Variants in USP48 observed in about 807,000 individuals in gnomAD.
USP48 encodes ubiquitin carboxyl-terminal hydrolase 48.
USP48 carries 43 observed loss-of-function variants against 150.7 expected under a neutral mutation model. That is an observed-to-expected ratio of 0.29 (90% confidence interval 0.22 to 0.37). USP48 has a LOEUF of 0.37. Ranked by LOEUF, USP48 falls within the 10% of genes least tolerant of loss-of-function variation. The probability of loss-of-function intolerance (pLI) is 1.00; values close to 1 mark genes in which losing one functional copy is unlikely to be tolerated. For missense variants in USP48, 813 were observed against 1,249.6 expected, an observed-to-expected ratio of 0.65 and a Z score of 5.27; for synonymous variants, 396 against 425.9, an observed-to-expected ratio of 0.93 and a Z score of 0.86.
At chr1:21,729,294 AAAAG>A (rs1407734747) in intron 10 of USP48, among the ~76,000 whole-genome samples, 1 of 151,924 alleles carries the variant, frequency 6.6e-6, no homozygotes, top group Non-Finnish European at 1.5e-5. Context: ...AAAAAAAAAA[AAAAG>A]AAAGAATAGA....
intron 2 of USP48, 51 bp downstream of exon 2, chr1:21,757,612 A>C: frequency 6.3e-7 from 1 of 1,580,316 alleles, no homozygotes; most frequent in Non-Finnish European, 8.6e-7. Context: ...CAAAAGCAAA[A>C]ACAAAAACAA....
chr1:21,728,726 A>G lies in USP48; in HGVS notation c.1301-7T>C, dbSNP rs2097746868. Reference sequence around the variant, plus strand: ...ACCAGCTCTTGAAGAAAGGCTATTCAAAACAGAAAGACAAAAAACAACTTT... The same window carrying G: ...ACCAGCTCTTGAAGAAAGGCTATTCGAAACAGAAAGACAAAAAACAACTTT... On this transcript the variant is annotated splice_polypyrimidine_tract_variant and splice_region_variant and intron_variant, in intron 10 of 26. Coordinates refer to ENST00000308271, the MANE Select transcript of USP48 (RefSeq NM_032236.8). 6.2e-7 allele frequency: 1 copy of G among 1,612,782 alleles called. No individual in the cohort carries two copies. The highest frequency in any genetic ancestry group is 1.1e-5 in the South Asian group (1 of 90,918).
chr1:21,729,696 T>A lies in USP48; in HGVS notation c.1300+8A>T. On this transcript the variant is annotated splice_region_variant and intron_variant, in intron 10 of 26. Transcript: ENST00000308271. ...TTTGCCTGCTATAATCCTGGAAAAC[T>A]GCTTTACCTGGAACTTGAACAGTAG... The A allele has an allele frequency of 6.2e-7, 1 of 1,612,708 alleles. No individual in the cohort carries two copies. Among genetic ancestry groups the A allele is most frequent in the Non-Finnish European group, 8.5e-7 (1 of 1,178,988 alleles).
intron 23 of USP48, among the ~76,000 whole-genome samples, 181 bp from the exon 24 acceptor site, chr1:21,690,280 C>T (rs895546987): frequency 6.6e-6 from 1 of 151,716 alleles, no homozygotes; most frequent in African/African-American, 2.4e-5. Flanking sequence ...CCTATATATC[C>T]GGGAACATCC....
At chr1:21,779,075 C>T (rs6664248) in intron 1 of USP48, among the ~76,000 whole-genome samples, 82,602 of 151,552 alleles carry the variant, frequency 0.55, 24,995 homozygotes, top group East Asian at 0.75. Context: ...GCCACCACGC[C>T]CAGCAAAAAA....
chr1:21,722,996 G>A (rs2097725805), intron 12 of USP48, among the ~76,000 whole-genome samples: 1 of 152,148 alleles, frequency 6.6e-6, no homozygotes, highest in Non-Finnish European at 1.5e-5. Context: ...TGGGGAGGGA[G>A]GTGTCATGTA....
intron 15 of USP48, chr1:21,715,166 T>C (rs1477807528): frequency 2.1e-6 from 1 of 470,878 alleles, no homozygotes. Context: ...ATGACAGTCA[T>C]GGGAAACAAC....
At chr1:21,754,101 T>C (rs333203) in intron 3 of USP48, among the ~76,000 whole-genome samples, 11,605 of 151,880 alleles carry the variant, frequency 0.076, 501 homozygotes, top group Middle Eastern at 0.11. Context: ...GCGGAGGTTG[T>C]AGTTAGCCAA....
At chr1:21,753,668 A>G (rs2097823225) in intron 3 of USP48, among the ~76,000 whole-genome samples, 1 of 151,270 alleles carries the variant, frequency 6.6e-6, no homozygotes, top group East Asian at 1.9e-4. Flanking sequence ...CTCTACTAAA[A>G]ATACAAAAAG....
rs1355683591 is a variant in USP48 at position 21,708,892 on chromosome 1, AAAAAAAAAAAGAAAGAAAAG to A, written c.1964-2044_1964-2025del. ...AGAGCAAGACTCCGTCTCAAAAAAA[AAAAAAAAAAAGAAAGAAAAG>A]AAAAGAAAAGAAAAGAAAACAGAGT... On this transcript the variant is annotated intron_variant, in intron 15 of 26. Transcript: ENST00000308271. Among the ~76,000 whole-genome samples, 4 of 60,410 alleles carry A rather than the reference AAAAAAAAAAAGAAAGAAAAG, an allele frequency of 6.6e-5. No individual in the cohort carries two copies. In the Admixed American group the frequency reaches 8.9e-4, roughly 13 times the overall value. The allele number at this position is 60,410 out of a possible 152,430, so 39.6% of individuals were successfully genotyped here.
At chr1:21,709,732 G>A (rs2097685373) in intron 15 of USP48, among the ~76,000 whole-genome samples, 1 of 152,248 alleles carries the variant, frequency 6.6e-6, no homozygotes, top group East Asian at 1.9e-4. Flanking sequence ...ATTCTGATGT[G>A]GGGGTACTTT....
chr1:21,709,992 ATTAAT>A (rs2097686098), intron 15 of USP48, among the ~76,000 whole-genome samples: 1 of 152,102 alleles, frequency 6.6e-6, no homozygotes, highest in Non-Finnish European at 1.5e-5. Flanking sequence ...TATTAATACA[ATTAAT>A]TAAATTAATG....
At position 21,716,501 on chromosome 1, in the gene USP48, G is replaced by A. The variant is rs549432256; in HGVS notation, c.1895-1044C>T. On this transcript the variant is annotated intron_variant, in intron 14 of 26. Transcript: ENST00000308271. ...AAAACTTATGAATTGTTTACTTCTG[G>A]AAGTTTCCATGTAATATTTTCAGAC... 6.6e-5 allele frequency among the ~76,000 whole-genome samples: 10 copies of A among 152,296 alleles called. No homozygotes were observed. The South Asian group carries it at 2.1e-3, about 32-fold the overall frequency.
intron 1 of USP48, among the ~76,000 whole-genome samples, chr1:21,768,767 C>T (rs911141825): frequency 6.6e-6 from 1 of 151,710 alleles, no homozygotes; most frequent in Non-Finnish European, 1.5e-5. Flanking sequence ...GTGTAGGCCA[C>T]TCCTGCTAGT....
chr1:21,706,955 A>G (rs779273976), intron 15 of USP48, 87 bp from the exon 16 acceptor site: 2 of 1,409,776 alleles, frequency 1.4e-6, no homozygotes, highest in South Asian at 2.7e-5. Flanking sequence ...CTTAAGAAAA[A>G]TCCACAGGTA....
rs756934984 is a variant in USP48, at chr1:21,704,399, A to G, written c.2385-7T>C. On this transcript the variant is annotated splice_polypyrimidine_tract_variant and splice_region_variant and intron_variant, in intron 19 of 26. Coordinates refer to ENST00000308271, the MANE Select transcript of USP48 (RefSeq NM_032236.8). Reference sequence around the variant, plus strand: ...GGGCCATATGAGAGCTATACTGTGCAAAAAAAAAACACAACATGCCTTAAG... The same window carrying G: ...GGGCCATATGAGAGCTATACTGTGCGAAAAAAAAACACAACATGCCTTAAG... 1 of 1,449,534 alleles carries G rather than the reference A, an allele frequency of 6.9e-7. No homozygotes were observed. The highest frequency in any genetic ancestry group is 9.3e-7 in the Non-Finnish European group (1 of 1,071,004). The allele number at this position is 1,449,534 out of a possible 1,614,324, so 89.8% of individuals were successfully genotyped here.
chr1:21,754,708 C>T (rs1032764173), intron 3 of USP48, among the ~76,000 whole-genome samples: 2 of 152,178 alleles, frequency 1.3e-5, no homozygotes, highest in African/African-American at 4.8e-5. Context: ...CAGCAGCTTA[C>T]CCAGCACCTC....
chr1:21,756,566 T>C lies in USP48; in HGVS notation c.392A>G (p.Asp131Gly), dbSNP rs2097836117. The change falls in exon 3 of 27, where the codon GAC becomes GGC. Residue 131 changes from aspartate to glycine, a missense_variant. Asp to Gly is a moderately conservative substitution (Grantham distance 94). Coordinates refer to ENST00000308271, the MANE Select transcript of USP48 (RefSeq NM_032236.8). ...PSTCSDYMLGDGIQEEKDYEP... is the reference protein window; with the variant it reads ...PSTCSDYMLGGGIQEEKDYEP... ...CCCACCTTTTTCTTCTTGGATGCCG[T>C]CTCCCAGCATGTAGTCACTACAAGT... 1 of 1,581,858 alleles carries C rather than the reference T, an allele frequency of 6.3e-7. No homozygotes were observed. The highest frequency in any genetic ancestry group is 8.5e-7 in the Non-Finnish European group (1 of 1,169,904).
At chr1:21,768,752 C>T (rs1328025379) in intron 1 of USP48, among the ~76,000 whole-genome samples, 2 of 151,688 alleles carry the variant, frequency 1.3e-5, no homozygotes, top group African/African-American at 4.8e-5. Flanking sequence ...GCATACCCAC[C>T]ACCCGTGTAG....
Sources: gnomAD v4.1 joint callset for allele counts (sites outside exome capture counted in the v4.1 genomes callset) on GRCh38, gnomAD v4.1.1 for gene constraint, MANE v1.5 for transcripts, NCBI Gene and HGNC (gene_info 2026-07-23, HGNC 2026-07-21) for gene names.